Variants in SORL1-AS1 observed in about 807,000 individuals in gnomAD.
SORL1-AS1 encodes lncRNA 51 A.
chr11:121,450,375 T>C lies in SORL1-AS1; in HGVS notation n.340-476A>G, dbSNP rs1163738788. Among the ~76,000 whole-genome samples the C allele has an allele frequency of 1.3e-5, 2 of 152,102 alleles. No homozygotes were observed. The highest frequency in any genetic ancestry group is 4.8e-5 in the African/African-American group (2 of 41,420). On this transcript the variant is annotated intron_variant and non_coding_transcript_variant, in intron 1 of 1. Transcript: ENST00000501964. The surrounding 1 kb of genome is among the most constrained non-coding windows in gnomAD (Gnocchi z 5.2). ...TGATGCTGACCAGACAGAGCTGATC[T>C]AGATGAGGGGTGGGAGGTGACAGTG...
Position 121,452,632 on chromosome 11 carries a change from A to G in SORL1-AS1, n.339+43T>C, listed in dbSNP as rs1219364464. 13 of 1,444,996 alleles carry G rather than the reference A, an allele frequency of 9.0e-6. No homozygotes were observed. Among genetic ancestry groups the G allele is most frequent in the African/African-American group, 3.0e-5 (2 of 67,576 alleles). The allele number at this position is 1,444,996 out of a possible 1,614,324, so 89.5% of individuals were successfully genotyped here. A position where few individuals can be genotyped will look rare whatever the true frequency, so the allele number is the denominator to read the frequency against. On this transcript the variant is annotated intron_variant and non_coding_transcript_variant, in intron 1 of 1. Transcript: ENST00000501964. The surrounding 1 kb of genome is among the most constrained non-coding windows in gnomAD (Gnocchi z 5.3). ...GTACGGACAGGTGAGCAGTTTTGCA[A>G]CCCGCCTCCCTCCAGTTTTTTCCTC...
chr11:121,449,904 G>C (rs1407632059), intron 1 of SORL1-AS1: 1 of 152,234 alleles, frequency 6.6e-6, no homozygotes, highest in Admixed American at 6.5e-5. Flanking sequence ...ATCTACCTGA[G>C]AATGGTTTGG....
the SORL1-AS1 span, among the ~76,000 whole-genome samples, chr11:121,440,548 A>G: frequency 1.3e-5 from 2 of 152,150 alleles, no homozygotes; most frequent in Non-Finnish European, 2.9e-5. Context: ...ATTCATAGAA[A>G]CCAGAATTCC....
rs1307710783 is a variant in SORL1-AS1, at chr11:121,450,432, G to C, written n.340-533C>G. 1.3e-5 allele frequency among the ~76,000 whole-genome samples: 2 copies of C among 151,836 alleles called. No individual in the cohort carries two copies. The highest frequency in any genetic ancestry group is 3.8e-4 in the East Asian group (2 of 5,196). On this transcript the variant is annotated intron_variant and non_coding_transcript_variant, in intron 1 of 1. Coordinates refer to ENST00000501964, the Ensembl canonical transcript of SORL1-AS1. This position sits in a 1 kb window ranked among gnomAD's most constrained non-coding sequence, Gnocchi z 5.2. ...TGGCTTTCTTGGAGGATGCATGATT[G>C]TTTGAATTATTATTTTTAATTGACA...
chr11:121,448,679 A>G (rs1860754018), exon 2 of SORL1-AS1: 1 of 152,204 alleles, frequency 6.6e-6, no homozygotes, highest in Non-Finnish European at 1.5e-5. Context: ...ATTTAAATGC[A>G]TGCATCCTAT....
intron 1 of SORL1-AS1, among the ~76,000 whole-genome samples, chr11:121,451,080 C>T (rs562967080): frequency 2.0e-5 from 3 of 152,286 alleles, no homozygotes; most frequent in Non-Finnish European, 4.4e-5. Flanking sequence ...TCCCTTCCTT[C>T]CCCTGAACAG....
chr11:121,445,656 T>C (rs750023993), downstream of SORL1-AS1, among the ~76,000 whole-genome samples: 2 of 151,920 alleles, frequency 1.3e-5, no homozygotes, highest in Non-Finnish European at 2.9e-5. Flanking sequence ...TTTAGCCTTC[T>C]CTGCTTGTCC....
downstream of SORL1-AS1, among the ~76,000 whole-genome samples, chr11:121,443,150 T>G (rs1860683090): frequency 6.6e-6 from 1 of 152,200 alleles, no homozygotes; most frequent in Non-Finnish European, 1.5e-5. Flanking sequence ...TACTTATTAA[T>G]CTAACTAACA....
downstream of SORL1-AS1, among the ~76,000 whole-genome samples, chr11:121,444,778 G>A (rs181434068): frequency 7.0e-4 from 106 of 152,308 alleles, no homozygotes; most frequent in South Asian, 2.1e-4. Flanking sequence ...ATTCCATGGC[G>A]TCATTATCAC....
downstream of SORL1-AS1, among the ~76,000 whole-genome samples, chr11:121,446,585 T>C (rs1860727153): frequency 6.6e-6 from 1 of 152,012 alleles, no homozygotes; most frequent in Non-Finnish European, 1.5e-5. Context: ...ACCCCGTCTC[T>C]ACTAAAAATA....
At chr11:121,439,720 GGTGA>G in the SORL1-AS1 span, among the ~76,000 whole-genome samples, 4 of 152,142 alleles carry the variant, frequency 2.6e-5, no homozygotes, top group Non-Finnish European at 1.5e-5. Context: ...ATTTAAAGAC[GGTGA>G]GTATTAATGT....
chr11:121,451,374 G>A (rs1267772892), intron 1 of SORL1-AS1, among the ~76,000 whole-genome samples: 1 of 152,204 alleles, frequency 6.6e-6, no homozygotes, highest in East Asian at 1.9e-4. Context: ...TCCCTCCTCT[G>A]TGGGTGTTTG....
At position 121,450,010 on chromosome 11, in the gene SORL1-AS1, A is replaced by G. The variant is rs1477199525; in HGVS notation, n.340-111T>C. The G allele has an allele frequency of 6.6e-6, 1 of 152,238 alleles. No individual in the cohort carries two copies. Among genetic ancestry groups the G allele is most frequent in the Non-Finnish European group, 1.5e-5 (1 of 68,040 alleles). 9.4% of individuals were successfully genotyped at this position (152,238 alleles called of 1,614,324 possible). A position where few individuals can be genotyped will look rare whatever the true frequency, so the allele number is the denominator to read the frequency against. On this transcript the variant is annotated intron_variant and non_coding_transcript_variant, in intron 1 of 1. Transcript: ENST00000501964. The surrounding 1 kb of genome is among the most constrained non-coding windows in gnomAD (Gnocchi z 5.2). The stretch of plus-strand genomic sequence containing the variant: ...TCTCTAGCATTCAAGTTGCAAATCA[A>G]CATCAAAATGAGCAAGTAGCTGGCC...
In SORL1-AS1 at chr11:121,452,702, C is replaced by T; in HGVS notation, n.312G>A. The T allele has an allele frequency of 6.4e-6, 8 of 1,255,742 alleles. No homozygotes were observed. The highest frequency in any genetic ancestry group is 1.8e-5 in the South Asian group (1 of 54,320). The allele number at this position is 1,255,742 out of a possible 1,614,324, so 77.8% of individuals were successfully genotyped here. On this transcript the variant is annotated non_coding_transcript_exon_variant, in exon 1 of 2. Transcript: ENST00000501964. The surrounding 1 kb of genome is among the most constrained non-coding windows in gnomAD (Gnocchi z 5.3). ...CCGCATCCATCCGTTGCAGTCGCCT[C>T]CTAGGTGCAGGCACCACTGGGGACT...
the SORL1-AS1 span, among the ~76,000 whole-genome samples, chr11:121,439,798 T>C: frequency 6.6e-6 from 1 of 152,168 alleles, no homozygotes; most frequent in Non-Finnish European, 1.5e-5. Context: ...AAGTTAAATA[T>C]CTCATTTCTT....
chr11:121,441,403 C>G, the SORL1-AS1 span, among the ~76,000 whole-genome samples: 3 of 150,664 alleles, frequency 2.0e-5, no homozygotes, highest in Non-Finnish European at 4.4e-5. Flanking sequence ...TGGTGGTGGG[C>G]GCCTGCAGTC....
chr11:121,445,247 C>T (rs992997810), downstream of SORL1-AS1, among the ~76,000 whole-genome samples: 25 of 152,144 alleles, frequency 1.6e-4, no homozygotes, highest in African/African-American at 5.6e-4. Context: ...CGTGATCTGT[C>T]GCACCCTCTG....
the SORL1-AS1 span, among the ~76,000 whole-genome samples, chr11:121,438,851 C>T: frequency 6.6e-6 from 1 of 152,104 alleles, no homozygotes; most frequent in African/African-American, 2.4e-5. Context: ...TATGGCGAAA[C>T]CCCATCTCTA....
In SORL1-AS1 at chr11:121,452,333, T is replaced by C; in HGVS notation, n.339+342A>G. The stretch of plus-strand genomic sequence containing the variant: ...ACCTGCAGTAGCGTTCGCCCGAACA[T>C]GGCGACACGGAGCAGCAGGAGGGAG... On this transcript the variant is annotated intron_variant and non_coding_transcript_variant, in intron 1 of 1. Coordinates refer to ENST00000501964, the Ensembl canonical transcript of SORL1-AS1. The surrounding 1 kb of genome is among the most constrained non-coding windows in gnomAD (Gnocchi z 5.3). 1.1e-5 allele frequency: 17 copies of C among 1,541,322 alleles called. No homozygotes were observed. The highest frequency in any genetic ancestry group is 1.5e-5 in the Non-Finnish European group (17 of 1,148,658).
Sources: gnomAD v4.1 joint callset for allele counts (sites outside exome capture counted in the v4.1 genomes callset) on GRCh38, gnomAD v4.1.1 for gene constraint, Gnocchi (gnomAD v3.1) non-coding constraint, MANE v1.5 for transcripts, NCBI Gene and HGNC (gene_info 2026-07-23, HGNC 2026-07-21) for gene names.